FNDC3A: variants seen among roughly 807,000 people sequenced by gnomAD.
The protein encoded by FNDC3A is fibronectin type-III domain-containing protein 3A.
Under a neutral mutation model 148.9 loss-of-function variants are expected in FNDC3A, and 32 were observed. The observed-to-expected ratio is 0.21, with a 90% CI of 0.16 to 0.29. The LOEUF is 0.29. Ranked by LOEUF, FNDC3A falls within the 10% of genes least tolerant of loss-of-function variation. The pLI is 1.00. For missense variants in FNDC3A, 1,191 were observed against 1,452.8 expected, an observed-to-expected ratio of 0.82 and a Z score of 2.93; for synonymous variants, 472 against 473.6, an observed-to-expected ratio of 1.00 and a Z score of 0.04.
At position 49,061,310 on chromosome 13, in the gene FNDC3A, C is replaced by CTCTCT. The variant is rs1488911284; in HGVS notation, c.100-13971_100-13967dup. Among the ~76,000 whole-genome samples the CTCTCT allele has an allele frequency of 1.5e-3, 187 of 128,406 alleles. 7 individuals are homozygous for CTCTCT. The highest frequency in any genetic ancestry group is 4.2e-3 in the Middle Eastern group (1 of 238). 84.2% of individuals were successfully genotyped at this position (128,406 alleles called of 152,430 possible). A position where few individuals can be genotyped will look rare whatever the true frequency, so the allele number is the denominator to read the frequency against. On this transcript the variant is annotated intron_variant, in intron 2 of 25. Transcript: ENST00000492622. ...TTTCCTTTTCCATTTTCCATTTTCC[C>CTCTCT]TCTCTTCTCTTCCCTTCCCTTCCCT...
intron 4 of FNDC3A, 127 bp downstream of exon 4, chr13:49,114,858 A>G (rs1192443353): frequency 1.4e-6 from 1 of 722,280 alleles, no homozygotes; most frequent in Non-Finnish European, 2.4e-6. Context: ...TGTATCTATC[A>G]TAAATCTATT....
intron 3 of FNDC3A, among the ~76,000 whole-genome samples, chr13:49,102,726 G>C (rs1287210011): frequency 6.6e-6 from 1 of 152,198 alleles, no homozygotes; most frequent in Non-Finnish European, 1.5e-5. Flanking sequence ...AATAAACACA[G>C]AGGATGCATT....
At chr13:49,071,446 C>T (rs1219480203) in intron 2 of FNDC3A, among the ~76,000 whole-genome samples, 3 of 152,076 alleles carry the variant, frequency 2.0e-5, no homozygotes, top group Non-Finnish European at 4.4e-5. Context: ...TTTTGAGGAA[C>T]CTCCATACTG....
At chr13:49,084,699 G>A (rs1878690904) in intron 3 of FNDC3A, among the ~76,000 whole-genome samples, 1 of 152,106 alleles carries the variant, frequency 6.6e-6, no homozygotes. Context: ...CACTACTAGA[G>A]TGTGTTGATT....
At chr13:49,173,018 T>TA (rs1211434061) in intron 11 of FNDC3A, among the ~76,000 whole-genome samples, 4 of 152,220 alleles carry the variant, frequency 2.6e-5, no homozygotes, top group African/African-American at 7.2e-5. Context: ...AATGAGCTTT[T>TA]AAAAAAATGA....
At position 49,072,747 on chromosome 13, in the gene FNDC3A, G is replaced by C. The variant is rs902685960; in HGVS notation, c.100-2542G>C. ...AATCCTCCCACCTCAGCCTCCCAAA[G>C]TATTGGGATTACAGGCATGAGCCAC... On this transcript the variant is annotated intron_variant, in intron 2 of 25. Transcript: ENST00000492622. 5.9e-5 allele frequency among the ~76,000 whole-genome samples: 9 copies of C among 152,198 alleles called. No individual in the cohort carries two copies. In the East Asian group the frequency reaches 1.7e-3, roughly 29 times the overall value.
chr13:49,152,610 A>G lies in FNDC3A; in HGVS notation c.977+6675A>G, dbSNP rs1227732990. On this transcript the variant is annotated intron_variant, in intron 8 of 25. Transcript: ENST00000492622. ...TGTGCCATGCTGGTGCGCTGCACCC[A>G]CTAACCACTAACTCGTCATCTAGCA... is the stretch of plus-strand genomic sequence containing the variant. Among the ~76,000 whole-genome samples, 3 of 152,040 alleles carry G rather than the reference A, an allele frequency of 2.0e-5. No homozygotes were observed. The East Asian group carries it at 5.8e-4, about 29-fold the overall frequency.
At chr13:49,018,598 A>G (rs1195803643) in intron 2 of FNDC3A, among the ~76,000 whole-genome samples, 1 of 152,298 alleles carries the variant, frequency 6.6e-6, no homozygotes, top group Non-Finnish European at 1.5e-5. Context: ...TTCTTCTCTC[A>G]GCTCGTCAAA....
chr13:49,163,809 T>TA (rs762196179), intron 8 of FNDC3A, among the ~76,000 whole-genome samples: 10 of 152,352 alleles, frequency 6.6e-5, no homozygotes, highest in Non-Finnish European at 1.5e-4. Flanking sequence ...ATCTTAAAGT[T>TA]ACTATTGACA....
chr13:49,062,589 A>C (rs1035809003), intron 2 of FNDC3A, among the ~76,000 whole-genome samples: 1 of 152,014 alleles, frequency 6.6e-6, no homozygotes, highest in Non-Finnish European at 1.5e-5. Flanking sequence ...CCTCTCCTTG[A>C]AGTTTCCTTT....
Position 49,156,588 on chromosome 13 carries a change from G to A in FNDC3A, c.977+10653G>A, listed in dbSNP as rs1220988318. 4.0e-4 allele frequency among the ~76,000 whole-genome samples: 60 copies of A among 149,156 alleles called. 1 individual carries two copies. The highest frequency in any genetic ancestry group is 8.6e-4 in the African/African-American group (35 of 40,562). On this transcript the variant is annotated intron_variant, in intron 8 of 25. Transcript: ENST00000492622. ...ATGATGTTAGCTGGTGATTTTGCTC[G>A]TTAGTTGATGCAGTTTCTTCCTATT...
At chr13:48,982,752 A>G (rs1443986849) in intron 1 of FNDC3A, among the ~76,000 whole-genome samples, 1 of 152,178 alleles carries the variant, frequency 6.6e-6, no homozygotes, top group Admixed American at 6.5e-5. Flanking sequence ...CAACTTTGTG[A>G]TATAGTGTAG....
intron 1 of FNDC3A, among the ~76,000 whole-genome samples, chr13:48,979,917 G>T (rs532442151): frequency 6.6e-6 from 1 of 152,182 alleles, no homozygotes; most frequent in African/African-American, 2.4e-5. Flanking sequence ...ACTGGATTTG[G>T]CCAGGGGACC....
At chr13:49,012,231 A>T (rs1022940996) in intron 2 of FNDC3A, among the ~76,000 whole-genome samples, 1 of 151,856 alleles carries the variant, frequency 6.6e-6, no homozygotes, top group African/African-American at 2.4e-5. Context: ...CTCCTGCCTC[A>T]GCCTCTCAAG....
At chr13:49,185,898 T>C (rs1484593459) in intron 14 of FNDC3A, 66 bp from the exon 15 acceptor site, 8 of 1,270,092 alleles carry the variant, frequency 6.3e-6, no homozygotes, top group African/African-American at 1.5e-5. Context: ...CCTATCACTT[T>C]GTTTATTAAG....
chr13:49,013,579 T>C (rs895730062), intron 2 of FNDC3A, among the ~76,000 whole-genome samples: 1 of 151,536 alleles, frequency 6.6e-6, no homozygotes, highest in African/African-American at 2.4e-5. Flanking sequence ...TACATGTACA[T>C]GTGTATGCAA....
At chr13:49,121,129 A>G (rs1881313077) in intron 4 of FNDC3A, among the ~76,000 whole-genome samples, 1 of 152,182 alleles carries the variant, frequency 6.6e-6, no homozygotes, top group South Asian at 2.1e-4. Flanking sequence ...AAAGAACAGA[A>G]ATTATAACAA....
rs1266050572 is a variant in FNDC3A, at chr13:49,116,453, T to C, written c.252+1722T>C. ...TGAAAGAGGCAAAGACTCATGCCGC[T>C]CTGTGGTTTATATTCTTCTGGGAAG... On this transcript the variant is annotated intron_variant, in intron 4 of 25. Transcript: ENST00000492622. Among the ~76,000 whole-genome samples the C allele has an allele frequency of 2.0e-5, 3 of 152,286 alleles. No homozygotes were observed. In the South Asian group the frequency reaches 6.2e-4, roughly 32 times the overall value.
intron 4 of FNDC3A, among the ~76,000 whole-genome samples, chr13:49,128,975 C>A (rs1015194230): frequency 2.0e-5 from 3 of 152,240 alleles, no homozygotes; most frequent in Admixed American, 6.5e-5. Flanking sequence ...CACAACACTT[C>A]TAATAGCCCT....
Sources: allele counts gnomAD v4.1 joint callset (sites outside exome capture counted in the v4.1 genomes callset), GRCh38; gene constraint gnomAD v4.1.1; transcripts MANE v1.5; gene names NCBI Gene and HGNC (gene_info 2026-07-23, HGNC 2026-07-21).